Variants in DNAAF4 observed in about 807,000 individuals in gnomAD.
DNAAF4 encodes the protein dynein assembly factor 4, axonemal.
Under a neutral mutation model 51.8 loss-of-function variants are expected in DNAAF4, and 43 were observed. That is an observed-to-expected ratio of 0.83 (90% confidence interval 0.65 to 1.07). The LOEUF (loss-of-function observed/expected upper bound fraction) is 1.07. Ranked by LOEUF, DNAAF4 falls within the 50% of genes least tolerant of loss-of-function variation. The pLI, the probability that DNAAF4 is intolerant of heterozygous loss-of-function variation, is 0.00. For missense variants in DNAAF4, 581 were observed against 493.0 expected, an observed-to-expected ratio of 1.18 and a Z score of -1.69; for synonymous variants, 194 against 165.6, an observed-to-expected ratio of 1.17 and a Z score of -1.32.
rs760262916 is a variant in DNAAF4, at chr15:55,466,976, ATATTT to A, written c.586_590del (p.Lys196Ter). 1.3e-6 allele frequency: 2 copies of A among 1,585,382 alleles called. No individual in the cohort carries two copies. Among genetic ancestry groups the A allele is most frequent in the South Asian group, 1.2e-5 (1 of 84,220 alleles). ...ATGCCAAATTTCTAGTAAGACTCTTATATTTTATTTTTTTTCTTTCTTCTTTAATT... is the reference window on the plus strand; with the variant it reads ...ATGCCAAATTTCTAGTAAGACTCTTATATTTTTTTTCTTTCTTCTTTAATT... On this transcript the variant is annotated frameshift_variant, in exon 5 of 10. Coordinates refer to ENST00000321149, the MANE Select transcript of DNAAF4 (RefSeq NM_130810.4). LOFTEE classifies it high-confidence loss of function.
intron 4 of DNAAF4, among the ~76,000 whole-genome samples, chr15:55,476,958 G>A (rs926893552): frequency 4.6e-5 from 7 of 152,262 alleles, no homozygotes; most frequent in African/African-American, 1.4e-4. Flanking sequence ...ATCACCTGAG[G>A]TCAGGAGTTA....
Position 55,439,521 on chromosome 15 carries a change from C to G in DNAAF4, c.844G>C (p.Asp282His). ...GGGTTCTTTTCTTCTTCTTTTAAAT[C>G]GCAAAGTTCAGCTATGTCAGTATTC... ...AMNTDIAELC[D>H]LKEEEKNPEW... is the part of the protein sequence containing the mutation. The change falls in exon 7 of 10, where the codon GAT becomes CAT. Residue 282 changes from aspartate to histidine, a missense_variant. Transcript: ENST00000321149. 1.9e-6 allele frequency: 3 copies of G among 1,614,094 alleles called. No homozygotes were observed. The highest frequency in any genetic ancestry group is 2.5e-6 in the Non-Finnish European group (3 of 1,179,990).
At chr15:55,441,520 C>G (rs1038973046) in intron 6 of DNAAF4, among the ~76,000 whole-genome samples, 5 of 151,778 alleles carry the variant, frequency 3.3e-5, no homozygotes, top group Non-Finnish European at 7.4e-5. Context: ...CCCATTAACT[C>G]GTCATTTACA....
intron 8 of DNAAF4, among the ~76,000 whole-genome samples, chr15:55,433,903 ATT>A (rs1306370666): frequency 0.011 from 153 of 14,464 alleles, 3 homozygotes; most frequent in Admixed American, 0.011. Flanking sequence ...TATTATATAT[ATT>A]ATATATAATT....
At chr15:55,422,753 T>C (rs2057398750) in intron 7 of DNAAF4, among the ~76,000 whole-genome samples, 2 of 152,106 alleles carry the variant, frequency 1.3e-5, no homozygotes, top group African/African-American at 4.8e-5. Flanking sequence ...TCCCAGAACT[T>C]TGGGAGGCTG....
At chr15:55,463,163 G>C (rs1354861499) in intron 5 of DNAAF4, among the ~76,000 whole-genome samples, 1 of 127,748 alleles carries the variant, frequency 7.8e-6, no homozygotes, top group Non-Finnish European at 1.6e-5. Flanking sequence ...AACACAGTGA[G>C]ACTCTGTCTC....
chr15:55,455,706 A>G (rs1324968743), intron 5 of DNAAF4, among the ~76,000 whole-genome samples: 4 of 152,096 alleles, frequency 2.6e-5, no homozygotes, highest in Non-Finnish European at 4.4e-5. Flanking sequence ...TACTGGGATT[A>G]TAGGCGTTAG....
Position 55,439,490 on chromosome 15 carries a change from C to A in DNAAF4, c.875G>T (p.Trp292Leu). Residue 292 changes from tryptophan to leucine, a missense_variant, in exon 7 of 10, where the codon TGG becomes TTG. Transcript: ENST00000321149. ...DLKEEEKNPE[W>L]LKDKGNKLFA... ...AACTTACTTTCCTTTATCCTTCAAC[C>A]ATTCTGGGTTCTTTTCTTCTTCTTT... 5 of 1,613,808 alleles carry A rather than the reference C, an allele frequency of 3.1e-6. No individual in the cohort carries two copies. Among genetic ancestry groups the A allele is most frequent in the Non-Finnish European group, 4.2e-6 (5 of 1,179,794 alleles).
intron 4 of DNAAF4, 60 bp from the exon 5 acceptor site, chr15:55,467,221 G>A (rs1221667702): frequency 1.5e-6 from 2 of 1,356,640 alleles, no homozygotes; most frequent in Non-Finnish European, 2.0e-6. Context: ...TTATTTAAAT[G>A]AGAAATTCAT....
intron 5 of DNAAF4, among the ~76,000 whole-genome samples, chr15:55,455,291 A>G (rs1322173119): frequency 2.0e-5 from 3 of 149,688 alleles, no homozygotes; most frequent in Non-Finnish European, 4.4e-5. Context: ...AATTTGGTAT[A>G]CAATCTAGAC....
At chr15:55,464,258 G>A (rs539970454) in intron 5 of DNAAF4, among the ~76,000 whole-genome samples, 21 of 152,104 alleles carry the variant, frequency 1.4e-4, no homozygotes, top group Admixed American at 1.2e-3. Flanking sequence ...CACATGTAGG[G>A]GTATGAAACT....
At chr15:55,439,105 C>G (rs1015460323) in intron 7 of DNAAF4, among the ~76,000 whole-genome samples, 1 of 152,118 alleles carries the variant, frequency 6.6e-6, no homozygotes, top group African/African-American at 2.4e-5. Flanking sequence ...GTGATAACTA[C>G]TTTGTTTGTT....
intron 7 of DNAAF4, among the ~76,000 whole-genome samples, chr15:55,424,114 A>T (rs2057410537): frequency 6.6e-6 from 1 of 151,746 alleles, no homozygotes; most frequent in East Asian, 1.9e-4. Flanking sequence ...CTATTAGGTC[A>T]TGGGGACACC....
intron 6 of DNAAF4, chr15:55,443,067 G>A (rs1324379563): frequency 6.2e-7 from 1 of 1,610,828 alleles, no homozygotes; most frequent in African/African-American, 1.3e-5. Flanking sequence ...TAAGCTTTGG[G>A]TCAAGAAAAT....
intron 4 of DNAAF4, among the ~76,000 whole-genome samples, chr15:55,480,070 C>G (rs2058387656): frequency 6.6e-6 from 1 of 152,052 alleles, no homozygotes; most frequent in South Asian, 2.1e-4. Flanking sequence ...TTGTTACACC[C>G]TTATTAGTAG....
intron 5 of DNAAF4, among the ~76,000 whole-genome samples, chr15:55,459,634 T>C (rs1299803966): frequency 2.6e-5 from 4 of 152,074 alleles, no homozygotes; most frequent in Non-Finnish European, 5.9e-5. Flanking sequence ...ATAAACAGGG[T>C]GGAAAAAGAT....
At chr15:55,420,426 AT>A (rs2057379103) in intron 7 of DNAAF4, among the ~76,000 whole-genome samples, 1 of 150,892 alleles carries the variant, frequency 6.6e-6, no homozygotes, top group African/African-American at 2.5e-5. Context: ...AAAAAAAAAA[AT>A]CATTGTTATT....
Position 55,439,501 on chromosome 15 carries a change from C to T in DNAAF4, c.864G>A (p.Lys288=), listed in dbSNP as rs1240879469. 1.2e-6 allele frequency: 2 copies of T among 1,614,022 alleles called. No homozygotes were observed. Among genetic ancestry groups the T allele is most frequent in the Non-Finnish European group, 1.7e-6 (2 of 1,179,962 alleles). Residue 288 remains lysine, a synonymous_variant, in exon 7 of 10, where the codon AAG becomes AAA. Transcript: ENST00000321149. ...CTTTATCCTTCAACCATTCTGGGTT[C>T]TTTTCTTCTTCTTTTAAATCGCAAA... ...AELCDLKEEE[K]NPEWLKDKGN... is the part of the protein sequence containing the mutation.
At chr15:55,428,729 T>G (rs1194846875), downstream of DNAAF4, among the ~76,000 whole-genome samples, 3 of 150,212 alleles carry the variant, frequency 2.0e-5, no homozygotes, top group Admixed American at 2.0e-4. Flanking sequence ...TCTCCTGACC[T>G]TGTGATCTGC....
Sources: allele counts gnomAD v4.1 joint callset (sites outside exome capture counted in the v4.1 genomes callset), GRCh38; gene constraint gnomAD v4.1.1; transcripts MANE v1.5; gene names NCBI Gene and HGNC (gene_info 2026-07-23, HGNC 2026-07-21).